TENM2: variants seen among roughly 807,000 people sequenced by gnomAD.
TENM2 encodes teneurin-2.
TENM2 carries 52 observed loss-of-function variants against 245.2 expected under a neutral mutation model. The ratio of observed to expected loss-of-function variants is 0.21; its 90% CI spans 0.17 to 0.27. The LOEUF is 0.27. Ranked by LOEUF, TENM2 falls within the 10% of genes least tolerant of loss-of-function variation. The pLI is 1.00. For synonymous variants in TENM2, 1,363 were observed against 1,438.9 expected, an observed-to-expected ratio of 0.95 and a Z score of 1.19; for missense variants, 3,046 against 3,666.8, an observed-to-expected ratio of 0.83 and a Z score of 4.37.
intron 2 of TENM2, among the ~76,000 whole-genome samples, chr5:167,533,244 G>GGTGA (rs2127595153): frequency 6.6e-6 from 1 of 152,210 alleles, no homozygotes; most frequent in Non-Finnish European, 1.5e-5. Flanking sequence ...AGTGGATTCG[G>GGTGA]GTGAGGAAAT....
At chr5:167,269,515 A>G in the TENM2 span, among the ~76,000 whole-genome samples, 19 of 141,358 alleles carry the variant, frequency 1.3e-4, no homozygotes, top group Non-Finnish European at 2.5e-4. Flanking sequence ...TCATAATAGT[A>G]AAATAGTAGA....
chr5:167,106,519 A>C, the TENM2 span, among the ~76,000 whole-genome samples: 1 of 152,244 alleles, frequency 6.6e-6, no homozygotes, highest in African/African-American at 2.4e-5. Flanking sequence ...TGGAATCAAA[A>C]AGTTTCTGAT....
intron 2 of TENM2, among the ~76,000 whole-genome samples, chr5:167,802,166 A>G (rs1765831462): frequency 6.6e-6 from 1 of 152,024 alleles, no homozygotes; most frequent in African/African-American, 2.4e-5. Flanking sequence ...TGGCCTAATC[A>G]CCTCTTAAAG....
intron 13 of TENM2, among the ~76,000 whole-genome samples, chr5:168,181,420 T>C (rs1172416718): frequency 6.6e-6 from 1 of 152,186 alleles, no homozygotes; most frequent in East Asian, 1.9e-4. Context: ...GCCCGTGCTT[T>C]TTTTCCCACA....
At chr5:167,090,117 A>T in the TENM2 span, among the ~76,000 whole-genome samples, 4 of 152,058 alleles carry the variant, frequency 2.6e-5, no homozygotes, top group Admixed American at 6.6e-5. Flanking sequence ...TTCTTTTTTT[A>T]AAATAATTTA....
intron 25 of TENM2, among the ~76,000 whole-genome samples, chr5:168,234,462 A>G (rs947485422): frequency 2.0e-5 from 3 of 152,276 alleles, no homozygotes; most frequent in Non-Finnish European, 2.9e-5. Context: ...GCCGTACCCA[A>G]AAAAGAAAGA....
At chr5:167,044,344 G>A in the TENM2 span, among the ~76,000 whole-genome samples, 5 of 152,278 alleles carry the variant, frequency 3.3e-5, no homozygotes, top group East Asian at 3.9e-4. Flanking sequence ...GTGTGAAGAC[G>A]AAAAGTGACT....
chr5:168,125,167 T>C, intron 11 of TENM2, 117 bp downstream of exon 13: 1 of 821,450 alleles, frequency 1.2e-6, no homozygotes, highest in Non-Finnish European at 1.9e-6. Context: ...GGGACTTTGA[T>C]GAATCACATT....
the TENM2 span, among the ~76,000 whole-genome samples, chr5:166,981,012 C>T: frequency 6.6e-6 from 1 of 152,176 alleles, no homozygotes; most frequent in African/African-American, 2.4e-5. Flanking sequence ...GGAAGAACTA[C>T]ATGAAAAAGT....
At chr5:167,067,420 C>T in the TENM2 span, among the ~76,000 whole-genome samples, 4 of 152,128 alleles carry the variant, frequency 2.6e-5, no homozygotes, top group South Asian at 4.1e-4. Flanking sequence ...ATAGAAGCCA[C>T]GTATTCTGAG....
intron 2 of TENM2, among the ~76,000 whole-genome samples, chr5:167,632,783 T>C (rs1305210241): frequency 6.6e-6 from 1 of 152,052 alleles, no homozygotes; most frequent in African/African-American, 2.4e-5. Flanking sequence ...ATTCAACATA[T>C]CTTAAAAAAA....
At chr5:167,695,161 C>T (rs1204022562) in intron 2 of TENM2, among the ~76,000 whole-genome samples, 1 of 152,156 alleles carries the variant, frequency 6.6e-6, no homozygotes, top group Non-Finnish European at 1.5e-5. Context: ...AGGCACAGCA[C>T]CTGCAGTGGC....
intron 2 of TENM2, chr5:167,755,014 A>G (rs1762206829): frequency 6.3e-7 from 1 of 1,583,602 alleles, no homozygotes. Context: ...AGTTAGAGGG[A>G]AACACAAAAC....
chr5:166,981,151 G>C, the TENM2 span, among the ~76,000 whole-genome samples: 12 of 152,162 alleles, frequency 7.9e-5, no homozygotes, highest in Admixed American at 2.0e-4. Flanking sequence ...CCCCTGTGTT[G>C]ACAAAAGCCT....
chr5:167,074,681 A>T, the TENM2 span, among the ~76,000 whole-genome samples: 2 of 152,356 alleles, frequency 1.3e-5, no homozygotes, highest in East Asian at 3.9e-4. Context: ...CTACCTGTCT[A>T]CCACGGCTAG....
chr5:167,090,239 C>CT, the TENM2 span, among the ~76,000 whole-genome samples: 5 of 136,174 alleles, frequency 3.7e-5, no homozygotes, highest in Non-Finnish European at 7.5e-5. Context: ...CAACAGAATT[C>CT]TTAAAAAAAA....
intron 9 of TENM2, among the ~76,000 whole-genome samples, chr5:168,113,852 A>C (rs762095188): frequency 3.3e-5 from 5 of 152,234 alleles, no homozygotes; most frequent in African/African-American, 7.2e-5. Context: ...AGAAGCTTGA[A>C]TGCACAATGT....
At chr5:167,800,712 G>C (rs1038642013) in intron 2 of TENM2, among the ~76,000 whole-genome samples, 4 of 152,122 alleles carry the variant, frequency 2.6e-5, no homozygotes, top group African/African-American at 9.7e-5. Context: ...AAGGGCTGCT[G>C]TCTTTATGTG....
intron 2 of TENM2, among the ~76,000 whole-genome samples, chr5:167,844,645 A>G (rs1769861631): frequency 6.6e-6 from 1 of 152,166 alleles, no homozygotes; most frequent in Non-Finnish European, 1.5e-5. Flanking sequence ...GGCATTTTCA[A>G]CTGAAATATA....
Sources: gnomAD v4.1 joint callset for allele counts (sites outside exome capture counted in the v4.1 genomes callset) on GRCh38, gnomAD v4.1.1 for gene constraint, MANE v1.5 for transcripts, NCBI Gene and HGNC (gene_info 2026-07-23, HGNC 2026-07-21) for gene names.